PSPC1: variants seen among roughly 807,000 people sequenced by gnomAD.
The protein encoded by PSPC1 is paraspeckle component 1.
Under a neutral mutation model 51.6 loss-of-function variants are expected in PSPC1, and 14 were observed. The ratio of observed to expected loss-of-function variants is 0.27; its 90% CI spans 0.18 to 0.42. The LOEUF (loss-of-function observed/expected upper bound fraction) is 0.42, where lower values mean the gene tolerates loss of function less well. PSPC1 is among the 10% of genes least tolerant of loss of function. The pLI, the probability that PSPC1 is intolerant of heterozygous loss-of-function variation, is 1.00. For synonymous variants in PSPC1, 193 were observed against 231.9 expected (o/e 0.83, Z 1.53); for missense variants, 406 against 701.1 (o/e 0.58, Z 4.75).
At position 19,706,185 on chromosome 13, in the gene PSPC1, T is replaced by C. The variant is rs1682939687; in HGVS notation, c.1217-354A>G. On this transcript the variant is annotated intron_variant, in intron 7 of 8. Transcript: ENST00000338910. ...ACTACATTTTACCAGTTTAAATGAG[T>C]AACAAAGGATTAGCACTTACAAAAC... Among the ~76,000 whole-genome samples, 7 of 152,296 alleles carry C rather than the reference T, an allele frequency of 4.6e-5. No individual in the cohort carries two copies. In the South Asian group the frequency reaches 1.4e-3, roughly 32 times the overall value.
At chr13:19,769,390 C>T (rs1888398825) in intron 2 of PSPC1, among the ~76,000 whole-genome samples, 1 of 151,974 alleles carries the variant, frequency 6.6e-6, no homozygotes, top group Non-Finnish European at 1.5e-5. Context: ...CCCGTCTCTA[C>T]TAAAAATACA....
At chr13:19,752,606 GAC>G (rs1886676325) in intron 3 of PSPC1, among the ~76,000 whole-genome samples, 1 of 149,980 alleles carries the variant, frequency 6.7e-6, no homozygotes, top group African/African-American at 2.5e-5. Flanking sequence ...TTATTTTTGA[GAC>G]ACAGTCTCAC....
chr13:19,736,807 G>A (rs1380981921), intron 5 of PSPC1, among the ~76,000 whole-genome samples: 1 of 152,072 alleles, frequency 6.6e-6, no homozygotes, highest in Non-Finnish European at 1.5e-5. Context: ...TTAACCCCTT[G>A]TATAACCATA....
intron 6 of PSPC1, among the ~76,000 whole-genome samples, chr13:19,712,279 G>C (rs1049459895): frequency 1.3e-5 from 2 of 152,096 alleles, no homozygotes; most frequent in African/African-American, 4.8e-5. Context: ...CACTAATATA[G>C]GGTAATTGTT....
At chr13:19,752,348 T>G (rs1405227552) in intron 3 of PSPC1, among the ~76,000 whole-genome samples, 1 of 152,176 alleles carries the variant, frequency 6.6e-6, no homozygotes, top group Non-Finnish European at 1.5e-5. Flanking sequence ...TAATATACAT[T>G]TCTTGAATAA....
At chr13:19,677,782 G>A (rs746033241) in exon 7 of PSPC1, 1 of 489,298 alleles carries the variant, frequency 2.0e-6, no homozygotes, top group East Asian at 5.6e-5. Context: ...TACACTGCAA[G>A]CTGAACTTCG....
intron 6 of PSPC1, among the ~76,000 whole-genome samples, chr13:19,687,190 G>C (rs1565958669): frequency 6.6e-6 from 1 of 152,040 alleles, no homozygotes; most frequent in Non-Finnish European, 1.5e-5. Context: ...AACAGAGTAA[G>C]ACTCCATCTC....
chr13:19,778,280 T>C (rs973978530), intron 1 of PSPC1, among the ~76,000 whole-genome samples: 1 of 125,910 alleles, frequency 7.9e-6, no homozygotes, highest in African/African-American at 2.5e-5. Flanking sequence ...TTTTAGAAGA[T>C]TAATTTTTTA....
intron 6 of PSPC1, among the ~76,000 whole-genome samples, chr13:19,714,895 C>CACTT (rs573376956): frequency 3.5e-4 from 54 of 152,316 alleles, no homozygotes; most frequent in African/African-American, 1.3e-3. Context: ...CCTCCCTTAT[C>CACTT]ACTTCTCCGT....
intron 3 of PSPC1, among the ~76,000 whole-genome samples, chr13:19,754,453 CTTT>C (rs67371116): frequency 3.8e-4 from 46 of 122,506 alleles, no homozygotes; most frequent in Admixed American, 1.2e-3. Flanking sequence ...TAACTAACTC[CTTT>C]TTTTTTTTTT....
At chr13:19,744,630 T>C (rs1362099661) in intron 4 of PSPC1, among the ~76,000 whole-genome samples, 1 of 151,916 alleles carries the variant, frequency 6.6e-6, no homozygotes, top group Non-Finnish European at 1.5e-5. Flanking sequence ...AATGGCGAGG[T>C]CTCGGCTCAC....
chr13:19,756,342 A>C (rs73168907), intron 3 of PSPC1, among the ~76,000 whole-genome samples: 3,236 of 152,130 alleles, frequency 0.021, 38 homozygotes, highest in Middle Eastern at 0.075. Flanking sequence ...CCTTGCTTTG[A>C]GCATTTTGTC....
chr13:19,739,556 T>C (rs1442505221), intron 5 of PSPC1, among the ~76,000 whole-genome samples: 1 of 152,044 alleles, frequency 6.6e-6, no homozygotes, highest in Non-Finnish European at 1.5e-5. Flanking sequence ...AAGACCAGCC[T>C]GGCCAACATG....
chr13:19,713,451 C>G (rs572070068), intron 6 of PSPC1, among the ~76,000 whole-genome samples: 5 of 144,290 alleles, frequency 3.5e-5, no homozygotes, highest in African/African-American at 1.3e-4. Context: ...CTAACCTATA[C>G]GATTCTACTG....
intron 8 of PSPC1, among the ~76,000 whole-genome samples, chr13:19,705,232 C>T (rs1437654742): frequency 6.6e-6 from 1 of 152,250 alleles, no homozygotes; most frequent in Non-Finnish European, 1.5e-5. Context: ...CGGTGGCTCA[C>T]GCCTGTAATC....
At chr13:19,693,017 A>G (rs73166969) in intron 6 of PSPC1, among the ~76,000 whole-genome samples, 1,674 of 152,260 alleles carry the variant, frequency 0.011, 13 homozygotes, top group Non-Finnish European at 0.018. Context: ...AGTCACCTAA[A>G]AGGTAAATAA....
intron 5 of PSPC1, 89 bp from the exon 6 acceptor site, chr13:19,730,433 C>T: frequency 8.3e-7 from 1 of 1,207,634 alleles, no homozygotes; most frequent in Non-Finnish European, 1.2e-6. Context: ...ATCATTTATG[C>T]AATCATATTA....
chr13:19,746,002 GTTT>G (rs1389960770), intron 4 of PSPC1, among the ~76,000 whole-genome samples: 1 of 136,520 alleles, frequency 7.3e-6, no homozygotes, highest in Non-Finnish European at 1.6e-5. Context: ...TATTTGTTTT[GTTT>G]TTTGTTTTTT....
chr13:19,674,738 A>C (rs986668428), downstream of PSPC1: 4 of 152,250 alleles, frequency 2.6e-5, no homozygotes, highest in African/African-American at 9.6e-5. Context: ...CCTGGGTCAC[A>C]AAATGACAAA....
Sources: gnomAD v4.1 joint callset for allele counts (sites outside exome capture counted in the v4.1 genomes callset) on GRCh38, gnomAD v4.1.1 for gene constraint, MANE v1.5 for transcripts, NCBI Gene and HGNC (gene_info 2026-07-23, HGNC 2026-07-21) for gene names.